Variants in CHN2 observed in about 807,000 individuals in gnomAD.
CHN2 encodes the protein chimerin 2.
CHN2 carries 35 observed loss-of-function variants against 56.3 expected under a neutral mutation model. That is an observed-to-expected ratio of 0.62 (90% CI 0.47 to 0.82). CHN2 has a LOEUF of 0.82. Among genes scored for constraint, CHN2 ranks in the 40% least tolerant of loss-of-function variants. The pLI is 0.00. For missense variants in CHN2, 491 were observed against 580.5 expected (o/e 0.85, Z 1.58); for synonymous variants, 210 against 212.8 (o/e 0.99, Z 0.12).
At chr7:29,285,661 A>T (rs1792089110) in intron 1 of CHN2, among the ~76,000 whole-genome samples, 1 of 152,180 alleles carries the variant, frequency 6.6e-6, no homozygotes. Context: ...ACCAACATGT[A>T]CTTAGGTGTG....
intron 6 of CHN2, among the ~76,000 whole-genome samples, chr7:29,432,849 T>C (rs1452311719): frequency 6.6e-6 from 1 of 152,184 alleles, no homozygotes; most frequent in Non-Finnish European, 1.5e-5. Context: ...ATTATGTTTT[T>C]CTCTGGAGCT....
At chr7:29,302,913 A>G (rs1793815277) in intron 1 of CHN2, among the ~76,000 whole-genome samples, 1 of 152,208 alleles carries the variant, frequency 6.6e-6, no homozygotes. Context: ...ATGTTGTAGC[A>G]CAAGTCAGAA....
Position 29,320,509 on chromosome 7 carries a change from T to C in CHN2, c.50-34116T>C, listed in dbSNP as rs142340939. 1.6e-3 allele frequency among the ~76,000 whole-genome samples: 237 copies of C among 152,234 alleles called. 2 individuals carry two copies. The highest frequency in any genetic ancestry group is 5.1e-3 in the African/African-American group (213 of 41,538). Reference sequence around the variant, plus strand: ...ACTTTATTATAAAAAATTCTCTTTATGGAAAGAGAGAAACCCGAGTAAATA... The same window carrying C: ...ACTTTATTATAAAAAATTCTCTTTACGGAAAGAGAGAAACCCGAGTAAATA... On this transcript the variant is annotated intron_variant, in intron 1 of 12. Transcript: ENST00000222792.
chr7:29,222,525 C>T (rs1362713544), intron 1 of CHN2, among the ~76,000 whole-genome samples: 1 of 150,292 alleles, frequency 6.7e-6, no homozygotes, highest in Non-Finnish European at 1.5e-5. Context: ...GAATAGAGAA[C>T]TCAGAAATAA....
chr7:29,230,726 A>T (rs1184974456), intron 1 of CHN2, among the ~76,000 whole-genome samples: 1 of 152,216 alleles, frequency 6.6e-6, no homozygotes, highest in Non-Finnish European at 1.5e-5. Context: ...ATATTTAAAG[A>T]TGATCAAATG....
intron 1 of CHN2, among the ~76,000 whole-genome samples, chr7:29,238,015 CTTTTTT>C (rs11405147): frequency 8.5e-5 from 9 of 105,970 alleles, no homozygotes; most frequent in East Asian, 8.4e-4. Flanking sequence ...TATGTATTCT[CTTTTTT>C]TTTTTTTTTT....
intron 6 of CHN2, among the ~76,000 whole-genome samples, chr7:29,456,920 T>G (rs576402417): frequency 1.3e-5 from 2 of 152,206 alleles, no homozygotes; most frequent in African/African-American, 4.8e-5. Flanking sequence ...GATATTGCCC[T>G]TCATCTTCCC....
At chr7:29,375,724 C>T (rs1349159341) in intron 3 of CHN2, among the ~76,000 whole-genome samples, 1 of 152,094 alleles carries the variant, frequency 6.6e-6, no homozygotes, top group African/African-American at 2.4e-5. Context: ...CAAACTGAGA[C>T]ACAATTGTTA....
intron 6 of CHN2, among the ~76,000 whole-genome samples, chr7:29,463,919 G>A (rs1785366308): frequency 6.6e-6 from 1 of 152,198 alleles, no homozygotes; most frequent in African/African-American, 2.4e-5. Context: ...GCCATCGGGT[G>A]TGGCCAGTAA....
chr7:29,275,267 T>G (rs1478109059), intron 1 of CHN2, among the ~76,000 whole-genome samples: 1 of 152,220 alleles, frequency 6.6e-6, no homozygotes, highest in African/African-American at 2.4e-5. Flanking sequence ...TGTAATATTA[T>G]TGGTGTCTCT....
intron 1 of CHN2, among the ~76,000 whole-genome samples, chr7:29,302,427 G>A (rs1393405849): frequency 1.3e-5 from 2 of 151,288 alleles, no homozygotes; most frequent in South Asian, 2.1e-4. Flanking sequence ...GAGCTCAAGC[G>A]ATCCTCCCAC....
intron 12 of CHN2, among the ~76,000 whole-genome samples, chr7:29,510,844 CCA>C (rs756511709): frequency 6.6e-6 from 1 of 152,112 alleles, no homozygotes; most frequent in Non-Finnish European, 1.5e-5. Flanking sequence ...AGAGTACCTG[CCA>C]CACACACAGC....
At chr7:29,271,893 A>G (rs1484123309) in intron 1 of CHN2, among the ~76,000 whole-genome samples, 1 of 152,102 alleles carries the variant, frequency 6.6e-6, no homozygotes, top group African/African-American at 2.4e-5. Flanking sequence ...TCTCCTCCCC[A>G]CCAACACTTC....
At chr7:29,298,699 C>T (rs985575941) in intron 1 of CHN2, among the ~76,000 whole-genome samples, 2 of 152,168 alleles carry the variant, frequency 1.3e-5, no homozygotes, top group African/African-American at 4.8e-5. Flanking sequence ...TGCCTCATCC[C>T]TTTTGTTCCT....
At chr7:29,326,146 TTG>T (rs1795784985) in intron 1 of CHN2, among the ~76,000 whole-genome samples, 1 of 151,694 alleles carries the variant, frequency 6.6e-6, no homozygotes, top group African/African-American at 2.4e-5. Context: ...GTTTGTTTGT[TTG>T]TTTGTTTGTT....
chr7:29,270,561 G>A (rs546250828), intron 1 of CHN2, among the ~76,000 whole-genome samples: 3 of 151,910 alleles, frequency 2.0e-5, no homozygotes, highest in Admixed American at 2.0e-4. Flanking sequence ...CTACTTAGGA[G>A]GTTGAGGCAC....
chr7:29,193,629 G>T (rs1167720621), upstream of CHN2: 1 of 152,178 alleles, frequency 6.6e-6, no homozygotes, highest in Non-Finnish European at 1.5e-5. Context: ...AAAAAAATCT[G>T]CATGGTATTT....
chr7:29,222,481 C>T (rs1210510554), intron 1 of CHN2, among the ~76,000 whole-genome samples: 2 of 90,260 alleles, frequency 2.2e-5, no homozygotes, highest in Non-Finnish European at 4.7e-5. Flanking sequence ...GCTACAGTAA[C>T]CAAAACAGCA....
chr7:29,429,965 GA>G (rs1365746709), intron 6 of CHN2, among the ~76,000 whole-genome samples: 1 of 152,198 alleles, frequency 6.6e-6, no homozygotes, highest in South Asian at 2.1e-4. Flanking sequence ...CCTCTGTAAA[GA>G]ATAGAAGCAC....
Sources: gnomAD v4.1 joint callset for allele counts (sites outside exome capture counted in the v4.1 genomes callset) on GRCh38, gnomAD v4.1.1 for gene constraint, MANE v1.5 for transcripts, NCBI Gene and HGNC (gene_info 2026-07-23, HGNC 2026-07-21) for gene names.